The following ESRRG variants were observed in gnomAD, a reference collection of about 807,000 sequenced individuals.
ESRRG encodes the protein estrogen related receptor gamma.
Under a neutral mutation model 44.0 loss-of-function variants are expected in ESRRG, and 13 were observed. The observed-to-expected ratio is 0.30, with a 90% CI of 0.19 to 0.47. The LOEUF (loss-of-function observed/expected upper bound fraction) is 0.47. Ranked by LOEUF, ESRRG falls within the 20% of genes least tolerant of loss-of-function variation. ESRRG has a pLI of 1.00. For missense variants in ESRRG, 395 were observed against 580.6 expected (o/e 0.68, Z 3.29); for synonymous variants, 215 against 214.6 (o/e 1.00, Z -0.02).
intron 3 of ESRRG, among the ~76,000 whole-genome samples, chr1:216,620,322 G>T (rs947788433): frequency 1.3e-5 from 2 of 152,152 alleles, no homozygotes; most frequent in Non-Finnish European, 2.9e-5. Context: ...CATGTGGTCA[G>T]CCCTAATTGT....
rs56789156 is a variant in ESRRG, at chr1:216,610,675, T to TTGTG, written c.589+40294_589+40297dup. ...TAGCTAAGTGCTACCAAGAAAAAAATTGTGTGTGTGTGTGTGTATAAATAA... is the reference window on the plus strand; with the variant it reads ...TAGCTAAGTGCTACCAAGAAAAAAATTGTGTGTGTGTGTGTGTGTGTATAAATAA... On this transcript the variant is annotated intron_variant, in intron 3 of 6. Transcript: ENST00000408911. 4.1e-3 allele frequency among the ~76,000 whole-genome samples: 621 copies of TTGTG among 151,112 alleles called. 3 individuals are homozygous for TTGTG. The highest frequency in any genetic ancestry group is 0.014 in the Middle Eastern group (4 of 290).
In ESRRG at chr1:216,932,730, T is replaced by G. The variant is rs75696802; in HGVS notation, c.-14+6852A>C. Among the ~76,000 whole-genome samples the G allele has an allele frequency of 6.3e-3, 811 of 129,012 alleles. 5 individuals are homozygous for G. Among genetic ancestry groups the G allele is most frequent in the African/African-American group, 9.1e-3 (314 of 34,506 alleles). 84.6% of individuals were successfully genotyped at this position (129,012 alleles called of 152,430 possible). On this transcript the variant is annotated intron_variant, in intron 2 of 7. Transcript: ENST00000359162. ...ATGCCACCAAACTTGTTTTTTTTTT[T>G]TTTTTTTTTTTTTTTTGGTAGAGAA...
chr1:217,006,793 A>G (rs1453550922), intron 1 of ESRRG, among the ~76,000 whole-genome samples: 1 of 152,016 alleles, frequency 6.6e-6, no homozygotes, highest in Non-Finnish European at 1.5e-5. Context: ...TAAATTTTCC[A>G]CTTGTGGTGT....
At position 216,912,160 on chromosome 1, in the gene ESRRG, GAA is replaced by G. The variant is rs1560081740; in HGVS notation, c.-14+27420_-14+27421del. Among the ~76,000 whole-genome samples, 94 of 34,720 alleles carry G rather than the reference GAA, an allele frequency of 2.7e-3. 5 individuals carry two copies. The highest frequency in any genetic ancestry group is 2.6e-3 in the Non-Finnish European group (54 of 20,718). 22.8% of individuals were successfully genotyped at this position (34,720 alleles called of 152,430 possible). A position where few individuals can be genotyped will look rare whatever the true frequency, so the allele number is the denominator to read the frequency against. On this transcript the variant is annotated intron_variant, in intron 2 of 7. Coordinates refer to the ESRRG transcript ENST00000359162. ...GAAAAGAAAAGAAAAGAAAAGAAAAGAAAAGAAAAGAAAAGAAAAGAAAAGGA... is the reference window on the plus strand; with the variant it reads ...GAAAAGAAAAGAAAAGAAAAGAAAAGAAGAAAAGAAAAGAAAAGAAAAGGA...
At chr1:216,511,981 ATAC>A (rs1355374792) in intron 6 of ESRRG, among the ~76,000 whole-genome samples, 1 of 152,218 alleles carries the variant, frequency 6.6e-6, no homozygotes, top group African/African-American at 2.4e-5. Context: ...TCAAGCATTT[ATAC>A]TACTTTTCCT....
chr1:216,707,118 C>G (rs1203987396), intron 1 of ESRRG, among the ~76,000 whole-genome samples: 1 of 152,190 alleles, frequency 6.6e-6, no homozygotes, highest in Non-Finnish European at 1.5e-5. Flanking sequence ...AATGAGTTTA[C>G]TAATTCAAAC....
chr1:216,810,432 G>A (rs1443323900), intron 2 of ESRRG, among the ~76,000 whole-genome samples: 1 of 151,824 alleles, frequency 6.6e-6, no homozygotes, highest in Non-Finnish European at 1.5e-5. Context: ...GTATCCAGCT[G>A]GGAAGATGGC....
At chr1:216,944,182 C>T (rs912001994) in intron 1 of ESRRG, among the ~76,000 whole-genome samples, 9 of 152,140 alleles carry the variant, frequency 5.9e-5, no homozygotes, top group South Asian at 2.1e-4. Flanking sequence ...ATTTGCCACT[C>T]TATATTTAGT....
chr1:216,615,857 T>C (rs1315355241), intron 3 of ESRRG, among the ~76,000 whole-genome samples: 1 of 151,932 alleles, frequency 6.6e-6, no homozygotes, highest in Non-Finnish European at 1.5e-5. Context: ...CAGCTAATTT[T>C]GTATTTTTAG....
rs189071308 is a variant in ESRRG, at chr1:216,943,996, T to A, written c.-105-4323A>T. Among the ~76,000 whole-genome samples the A allele has an allele frequency of 3.6e-4, 55 of 152,318 alleles. 1 individual carries two copies. In the East Asian group the frequency reaches 0.01, roughly 28 times the overall value. On this transcript the variant is annotated intron_variant, in intron 1 of 7. Coordinates refer to the ESRRG transcript ENST00000359162. ...TATTAAGAGATAAAATGTCATGATA[T>A]AATCTATGTGATGCATCTTTTGAAA...
At chr1:216,815,244 A>G (rs2095097114) in intron 2 of ESRRG, among the ~76,000 whole-genome samples, 1 of 152,236 alleles carries the variant, frequency 6.6e-6, no homozygotes. Context: ...ACTATGTGCC[A>G]GGCACCATGC....
At chr1:216,534,013 C>A (rs747314519) in intron 5 of ESRRG, among the ~76,000 whole-genome samples, 15 of 152,016 alleles carry the variant, frequency 9.9e-5, no homozygotes, top group Non-Finnish European at 1.8e-4. Context: ...ATCTATCAGG[C>A]CCAAACAATA....
intron 2 of ESRRG, among the ~76,000 whole-genome samples, chr1:216,861,360 A>G (rs971413683): frequency 1.3e-5 from 2 of 152,078 alleles, no homozygotes; most frequent in African/African-American, 4.8e-5. Context: ...TAGCTAAAAG[A>G]GCAGATTTTG....
At chr1:216,834,070 G>T in intron 2 of ESRRG, among the ~76,000 whole-genome samples, 1 of 152,162 alleles carries the variant, frequency 6.6e-6, no homozygotes, top group Non-Finnish European at 1.5e-5. Flanking sequence ...CACACATTTT[G>T]CAAGCTATAA....
intron 2 of ESRRG, among the ~76,000 whole-genome samples, chr1:216,744,321 C>G (rs567184931): frequency 3.2e-4 from 49 of 152,270 alleles, no homozygotes; most frequent in African/African-American, 1.2e-3. Flanking sequence ...GCACTAGGCG[C>G]TAAACAAAAT....
intron 2 of ESRRG, among the ~76,000 whole-genome samples, chr1:216,740,804 T>A (rs1393863993): frequency 6.6e-6 from 1 of 152,108 alleles, no homozygotes; most frequent in Admixed American, 6.6e-5. Context: ...TCCTCACTCC[T>A]AGAGATTATT....
chr1:217,122,664 CTTTTTT>C (rs10716545), intron 1 of ESRRG, among the ~76,000 whole-genome samples: 3 of 87,340 alleles, frequency 3.4e-5, no homozygotes, highest in African/African-American at 4.8e-5. Context: ...GACACACACA[CTTTTTT>C]TTTTTTTTTT....
intron 3 of ESRRG, among the ~76,000 whole-genome samples, chr1:216,591,230 G>C (rs2057613425): frequency 1.3e-5 from 2 of 152,190 alleles, no homozygotes; most frequent in Non-Finnish European, 2.9e-5. Context: ...GTTCATCAAT[G>C]ATGACCATGA....
chr1:216,544,244 G>T (rs1235359808), intron 5 of ESRRG, among the ~76,000 whole-genome samples: 1 of 152,034 alleles, frequency 6.6e-6, no homozygotes, highest in Non-Finnish European at 1.5e-5. Flanking sequence ...AAAGTGCAGA[G>T]ACATTTCACA....
Sources: gnomAD v4.1 joint callset for allele counts (sites outside exome capture counted in the v4.1 genomes callset) on GRCh38, gnomAD v4.1.1 for gene constraint, MANE v1.5 for transcripts, NCBI Gene and HGNC (gene_info 2026-07-23, HGNC 2026-07-21) for gene names.